Variants in NYAP2 observed in about 807,000 individuals in gnomAD.
The protein encoded by NYAP2 is neuronal tyrosine-phosphorylated phosphoinositide-3-kinase adapter 2.
Under a neutral mutation model 50.4 loss-of-function variants are expected in NYAP2, and 23 were observed. That is an observed-to-expected ratio of 0.46 (90% CI 0.33 to 0.65). The LOEUF is 0.65. NYAP2 is among the 30% of genes least tolerant of loss of function. NYAP2 has a pLI of 0.02. For synonymous variants in NYAP2, 394 were observed against 365.2 expected, an observed-to-expected ratio of 1.08 and a Z score of -0.90; for missense variants, 885 against 861.0, an observed-to-expected ratio of 1.03 and a Z score of -0.35.
intron 3 of NYAP2, among the ~76,000 whole-genome samples, chr2:225,417,127 G>A (rs545383192): frequency 3.3e-5 from 5 of 152,202 alleles, no homozygotes; most frequent in South Asian, 2.1e-4. Flanking sequence ...CAAAGAACCC[G>A]TAAGAGAAAG....
At chr2:225,546,094 C>A (rs756199843) in intron 4 of NYAP2, among the ~76,000 whole-genome samples, 3 of 152,244 alleles carry the variant, frequency 2.0e-5, no homozygotes, top group Middle Eastern at 3.4e-3. Context: ...ACAAACACCC[C>A]TGTGGCCACC....
rs796728966 is a variant in NYAP2 at position 225,582,079 on chromosome 2, C to T, written c.662C>T (p.Ser221Leu). The T allele has an allele frequency of 5.0e-6, 8 of 1,614,030 alleles. No individual in the cohort carries two copies. The highest frequency in any genetic ancestry group is 2.7e-5 in the African/African-American group (2 of 75,062). The change falls in exon 5 of 7, where the codon TCG (serine) becomes TTG (leucine). Residue 221 changes from serine (S) to leucine (L), a missense_variant. By Grantham distance (145) the Ser-to-Leu change is moderately radical. Transcript: ENST00000636099. The surrounding 1 kb of genome is among the most constrained non-coding windows in gnomAD (Gnocchi z 7.0). ...AAAAAGCATGGGCCCCGGAGGACGT[C>T]GCTGCCGCGGGACTCCTCCTTGTCC...
intron 3 of NYAP2, among the ~76,000 whole-genome samples, chr2:225,438,760 G>A (rs1447515862): frequency 1.3e-5 from 2 of 152,074 alleles, no homozygotes; most frequent in East Asian, 3.9e-4. Flanking sequence ...ATTATGATGG[G>A]GATGTATATG....
rs79393195 is a variant in NYAP2, at chr2:225,558,410, T to C, written c.524-23531T>C. 5.5e-3 allele frequency among the ~76,000 whole-genome samples: 830 copies of C among 152,276 alleles called. 5 individuals carry two copies. Among genetic ancestry groups the C allele is most frequent in the African/African-American group, 0.019 (777 of 41,562 alleles). On this transcript the variant is annotated intron_variant, in intron 4 of 6. Transcript: ENST00000636099. The stretch of plus-strand genomic sequence containing the variant: ...CAGCTTCTTTAGCTGCATATACTTC[T>C]TGTGGAAATCAGTAAATGATAGCAT...
At chr2:225,606,714 T>A (rs1692793541) in intron 5 of NYAP2, among the ~76,000 whole-genome samples, 1 of 152,172 alleles carries the variant, frequency 6.6e-6, no homozygotes, top group Non-Finnish European at 1.5e-5. Context: ...ATCCAATAGA[T>A]AATTGGTCTA....
intron 3 of NYAP2, among the ~76,000 whole-genome samples, chr2:225,498,694 G>T (rs1395021185): frequency 6.6e-6 from 1 of 152,094 alleles, no homozygotes; most frequent in African/African-American, 2.4e-5. Context: ...AGATGGTTTG[G>T]AAAATAGGGA....
chr2:225,555,036 A>T (rs953254986), intron 4 of NYAP2, among the ~76,000 whole-genome samples: 1 of 152,232 alleles, frequency 6.6e-6, no homozygotes, highest in South Asian at 2.1e-4. Context: ...AGAAACTTCA[A>T]GCATTTTCCA....
chr2:225,489,726 G>C (rs563621556), intron 3 of NYAP2, among the ~76,000 whole-genome samples: 4 of 152,124 alleles, frequency 2.6e-5, no homozygotes, highest in African/African-American at 4.8e-5. Flanking sequence ...TTCTGAAAAC[G>C]GGGGTTGAAC....
At chr2:225,690,967 G>C in the NYAP2 span, among the ~76,000 whole-genome samples, 1 of 152,138 alleles carries the variant, frequency 6.6e-6, no homozygotes, top group African/African-American at 2.4e-5. Flanking sequence ...ACACGTTTAG[G>C]AAAGAGTGTG....
chr2:225,683,511 C>T, the NYAP2 span, among the ~76,000 whole-genome samples: 1 of 152,166 alleles, frequency 6.6e-6, no homozygotes, highest in South Asian at 2.1e-4. Flanking sequence ...CAAATGACAT[C>T]ATATTATCTT....
In NYAP2 at chr2:225,582,611, C is replaced by T. The variant is rs746284766; in HGVS notation, c.1194C>T (p.Ala398=). 7.5e-6 allele frequency: 12 copies of T among 1,593,590 alleles called. No individual in the cohort carries two copies. Among genetic ancestry groups the T allele is most frequent in the Non-Finnish European group, 8.5e-6 (10 of 1,170,936 alleles). The change falls in exon 5 of 7, where the codon GCC becomes GCT. Residue 398 remains alanine, a synonymous_variant. Transcript: ENST00000636099. This position sits in a 1 kb window ranked among gnomAD's most constrained non-coding sequence, Gnocchi z 7.0. ...ATGCGAAACTGGAGAAAGAGCAGGC[C>T]GCGGCCCTGGGACCTGCCTCTGCCA... is the stretch of plus-strand genomic sequence containing the variant.
intron 3 of NYAP2, among the ~76,000 whole-genome samples, chr2:225,491,755 G>A (rs973537416): frequency 6.6e-5 from 10 of 152,292 alleles, no homozygotes; most frequent in African/African-American, 2.4e-4. Context: ...GACATTTCCA[G>A]ATTGGATATG....
intron 6 of NYAP2, among the ~76,000 whole-genome samples, chr2:225,649,965 G>A (rs1224303362): frequency 6.6e-6 from 1 of 152,114 alleles, no homozygotes; most frequent in Non-Finnish European, 1.5e-5. Flanking sequence ...CAGAAGTACA[G>A]AGAAAACACT....
intron 5 of NYAP2, among the ~76,000 whole-genome samples, chr2:225,612,122 G>C (rs1692897086): frequency 6.8e-6 from 1 of 146,508 alleles, no homozygotes; most frequent in Non-Finnish European, 1.5e-5. Context: ...TCTAGTATGT[G>C]TCCCAGCTGA....
intron 4 of NYAP2, among the ~76,000 whole-genome samples, chr2:225,542,002 T>G (rs1691480884): frequency 6.6e-6 from 1 of 152,074 alleles, no homozygotes; most frequent in Admixed American, 6.6e-5. Context: ...TCCTTAATTC[T>G]TTGCTTAATT....
intron 4 of NYAP2, among the ~76,000 whole-genome samples, chr2:225,543,877 G>GT (rs1267655468): frequency 6.6e-6 from 1 of 151,998 alleles, no homozygotes; most frequent in Non-Finnish European, 1.5e-5. Context: ...AGCTATTATT[G>GT]TATTAGGGCC....
intron 3 of NYAP2, among the ~76,000 whole-genome samples, chr2:225,509,986 A>G (rs936831227): frequency 6.6e-6 from 1 of 152,196 alleles, no homozygotes. Context: ...GTGGAGAGTG[A>G]TGGAAAGATT....
intron 4 of NYAP2, among the ~76,000 whole-genome samples, chr2:225,516,572 A>G (rs1490819894): frequency 6.6e-6 from 1 of 152,070 alleles, no homozygotes; most frequent in Non-Finnish European, 1.5e-5. Flanking sequence ...TTAATAAAAC[A>G]GCAATTGCAA....
chr2:225,675,762 C>T, the NYAP2 span, among the ~76,000 whole-genome samples: 2 of 152,126 alleles, frequency 1.3e-5, no homozygotes, highest in Non-Finnish European at 2.9e-5. Flanking sequence ...TTCCCACCAA[C>T]CATGTATAAG....
Sources: allele counts gnomAD v4.1 joint callset (sites outside exome capture counted in the v4.1 genomes callset), GRCh38; gene constraint gnomAD v4.1.1; non-coding constraint Gnocchi (gnomAD v3.1); transcripts MANE v1.5; gene names NCBI Gene and HGNC (gene_info 2026-07-23, HGNC 2026-07-21).